MAN1A2: variants seen among roughly 807,000 people sequenced by gnomAD.
MAN1A2 encodes mannosidase alpha class 1A member 2.
A neutral mutation model predicts 75.7 loss-of-function variants in MAN1A2; 26 were observed. The ratio of observed to expected loss-of-function variants is 0.34; its 90% CI spans 0.25 to 0.48. MAN1A2 has a LOEUF of 0.48. Among genes scored for constraint, MAN1A2 ranks in the 20% least tolerant of loss-of-function variants. MAN1A2 has a pLI of 0.99. For synonymous variants in MAN1A2, 247 were observed against 264.6 expected (o/e 0.93, Z 0.65); for missense variants, 562 against 775.5 (o/e 0.72, Z 3.27).
chr1:117,445,840 TTGTG>T (rs1257064936), intron 6 of MAN1A2, among the ~76,000 whole-genome samples: 1 of 79,934 alleles, frequency 1.3e-5, no homozygotes, highest in African/African-American at 5.0e-5. Context: ...ATTTTCATAT[TTGTG>T]TGTGTGTGTG....
intron 9 of MAN1A2, chr1:117,495,108 A>C (rs148827893): frequency 2.0e-5 from 3 of 151,782 alleles, no homozygotes; most frequent in Non-Finnish European, 2.9e-5. Context: ...CATGCTTTGA[A>C]AGGCATGATA....
chr1:117,368,307 A>T lies in MAN1A2; in HGVS notation c.124A>T (p.Ile42Phe). ...TTCTGAGAAGTTTATTCTTCTCCTTATTCTTAGTGCCTTCATCACTCTGTG... is the reference window on the plus strand; with the variant it reads ...TTCTGAGAAGTTTATTCTTCTCCTTTTTCTTAGTGCCTTCATCACTCTGTG... Reference protein sequence around the residue: ...RLSEKFILLLILSAFITLCFG... With the variant: ...RLSEKFILLLFLSAFITLCFG... Residue 42 changes from isoleucine to phenylalanine, a missense_variant, in exon 1 of 13, where the codon ATT (isoleucine) becomes TTT (phenylalanine). Transcript: ENST00000356554. 1 of 1,614,006 alleles carries T rather than the reference A, an allele frequency of 6.2e-7. No homozygotes were observed. Among genetic ancestry groups the T allele is most frequent in the Non-Finnish European group, 8.5e-7 (1 of 1,179,996 alleles).
intron 5 of MAN1A2, among the ~76,000 whole-genome samples, chr1:117,432,454 TG>T (rs2101800053): frequency 6.6e-6 from 1 of 152,344 alleles, no homozygotes; most frequent in African/African-American, 2.4e-5. Flanking sequence ...AGGCTATCAT[TG>T]CAGATTCCAC....
chr1:117,470,850 A>G (rs1275378984), intron 8 of MAN1A2, among the ~76,000 whole-genome samples: 2 of 152,034 alleles, frequency 1.3e-5, no homozygotes, highest in African/African-American at 2.4e-5. Flanking sequence ...ACTGAAATTT[A>G]ACAATTCAGC....
chr1:117,459,201 G>C (rs1323947503), intron 6 of MAN1A2, among the ~76,000 whole-genome samples: 1 of 152,112 alleles, frequency 6.6e-6, no homozygotes. Flanking sequence ...AGGCCCCAGA[G>C]CTGCTAAAAT....
chr1:117,457,237 G>A (rs925283776), intron 6 of MAN1A2, among the ~76,000 whole-genome samples: 4 of 152,062 alleles, frequency 2.6e-5, no homozygotes, highest in Non-Finnish European at 5.9e-5. Flanking sequence ...TCAGGTAAGA[G>A]AAACATACGT....
intron 1 of MAN1A2, among the ~76,000 whole-genome samples, chr1:117,397,594 A>G (rs945414354): frequency 6.6e-6 from 1 of 150,938 alleles, no homozygotes; most frequent in Non-Finnish European, 1.5e-5. Flanking sequence ...TTAATATTTA[A>G]TATGCATTTG....
intron 1 of MAN1A2, among the ~76,000 whole-genome samples, chr1:117,377,024 T>C (rs1653169598): frequency 6.6e-6 from 1 of 152,182 alleles, no homozygotes; most frequent in Admixed American, 6.5e-5. Context: ...CTGGAACCAA[T>C]TCCTCATGGA....
At chr1:117,371,105 G>C (rs1652951826) in intron 1 of MAN1A2, among the ~76,000 whole-genome samples, 1 of 152,100 alleles carries the variant, frequency 6.6e-6, no homozygotes, top group African/African-American at 2.4e-5. Context: ...CTGGCATTTA[G>C]TAAATGATCA....
At chr1:117,487,740 G>A (rs955201177) in intron 8 of MAN1A2, among the ~76,000 whole-genome samples, 2 of 151,948 alleles carry the variant, frequency 1.3e-5, no homozygotes, top group Non-Finnish European at 2.9e-5. Flanking sequence ...ACCAAAAAAT[G>A]TGCTGAAAAG....
At chr1:117,373,476 C>T (rs1480178092) in intron 1 of MAN1A2, among the ~76,000 whole-genome samples, 2 of 141,332 alleles carry the variant, frequency 1.4e-5, no homozygotes, top group Non-Finnish European at 3.1e-5. Context: ...GATGCCTTTG[C>T]TGCATTTGTT....
chr1:117,374,462 T>C (rs942788989), intron 1 of MAN1A2, among the ~76,000 whole-genome samples: 2 of 152,182 alleles, frequency 1.3e-5, no homozygotes, highest in Admixed American at 6.5e-5. Context: ...ATGGTTGTAA[T>C]GAAGTCTGCA....
At chr1:117,520,210 A>T (rs558322302) in intron 12 of MAN1A2, among the ~76,000 whole-genome samples, 1 of 152,192 alleles carries the variant, frequency 6.6e-6, no homozygotes, top group Admixed American at 6.5e-5. Flanking sequence ...ACCCACAGCA[A>T]ACATAATAGT....
chr1:117,457,726 A>G (rs546780121), intron 6 of MAN1A2, among the ~76,000 whole-genome samples: 22 of 152,292 alleles, frequency 1.4e-4, no homozygotes, highest in African/African-American at 5.3e-4. Context: ...ATCTTTCTAA[A>G]TGGTATGCTT....
At chr1:117,451,821 C>T (rs554942471) in intron 6 of MAN1A2, among the ~76,000 whole-genome samples, 104 of 152,200 alleles carry the variant, frequency 6.8e-4, no homozygotes, top group African/African-American at 2.5e-3. Context: ...ATGTCTTTAT[C>T]AGCAGTGTGA....
intron 12 of MAN1A2, chr1:117,515,662 C>G (rs1278559033): frequency 1.3e-5 from 2 of 152,334 alleles, no homozygotes; most frequent in African/African-American, 4.8e-5. Context: ...GAATCAAAAT[C>G]AGGGAAGCAG....
At chr1:117,379,274 A>G (rs912481460) in intron 1 of MAN1A2, among the ~76,000 whole-genome samples, 47 of 152,264 alleles carry the variant, frequency 3.1e-4, no homozygotes, top group African/African-American at 1.0e-3. Context: ...CATTTCTGCA[A>G]TATAAATTTT....
At chr1:117,442,128 C>A in intron 5 of MAN1A2, 103 bp from the exon 6 acceptor site, 1 of 712,540 alleles carries the variant, frequency 1.4e-6, no homozygotes, top group Admixed American at 2.1e-5. Flanking sequence ...CCTGTGCTCC[C>A]GTGTACCCAG....
chr1:117,460,467 TTTACTTTTCC>T lies in MAN1A2; in HGVS notation c.951-19_951-10del. The stretch of plus-strand genomic sequence containing the variant: ...GTCTTTTCCCAATCCTGTGTCTCCT[TTTACTTTTCC>T]TTTTCATTCAGTGGAGTAGGGCGAA... On this transcript the variant is annotated splice_polypyrimidine_tract_variant and intron_variant, in intron 6 of 12. Coordinates refer to ENST00000356554, the MANE Select transcript of MAN1A2 (RefSeq NM_006699.5). 3 of 1,588,296 alleles carry T rather than the reference TTTACTTTTCC, an allele frequency of 1.9e-6. 1 individual carries two copies. In the South Asian group the frequency reaches 3.5e-5, roughly 18 times the overall value.
Sources: allele counts gnomAD v4.1 joint callset (sites outside exome capture counted in the v4.1 genomes callset), GRCh38; gene constraint gnomAD v4.1.1; transcripts MANE v1.5; gene names NCBI Gene and HGNC (gene_info 2026-07-23, HGNC 2026-07-21).